MVD: variants seen among roughly 807,000 people sequenced by gnomAD.
The protein encoded by MVD is diphosphomevalonate decarboxylase.
In MVD, 52 loss-of-function variants were observed where a neutral mutation model predicts 42.4. The ratio of observed to expected loss-of-function variants is 1.23; its 90% CI spans 0.98 to 1.55. MVD has a LOEUF of 1.55. Among genes scored for constraint, MVD ranks in the 40% most tolerant of loss-of-function variants. The pLI is 0.00. For missense variants in MVD, 663 were observed against 572.1 expected, an observed-to-expected ratio of 1.16 and a Z score of -1.62; for synonymous variants, 287 against 243.2, an observed-to-expected ratio of 1.18 and a Z score of -1.68.
rs776340958 is a variant in MVD, at chr16:88,663,002, G to A, written c.70+9C>T. 6 of 1,597,000 alleles carry A rather than the reference G, an allele frequency of 3.8e-6. No homozygotes were observed. The Admixed American group carries it at 6.9e-5, about 18-fold the overall frequency. On this transcript the variant is annotated intron_variant, in intron 1 of 9. Coordinates refer to ENST00000301012, the MANE Select transcript of MVD (RefSeq NM_002461.3). ...CCATCCCCGTCCCAGGCCGGCCCGC[G>A]GCACTCACAGTACTTGATGACCGCG...
Position 88,653,415 on chromosome 16 carries a change from A to T in MVD, c.1014-7T>A, listed in dbSNP as rs746057055. ...CTGCAGCCCCTTCAGAAACCTGGAA[A>T]AGCAGGGCAGGGGCACGGTGAATGC... On this transcript the variant is annotated splice_region_variant and splice_polypyrimidine_tract_variant and intron_variant, in intron 8 of 9. Coordinates refer to ENST00000301012, the MANE Select transcript of MVD (RefSeq NM_002461.3). 5 of 1,605,194 alleles carry T rather than the reference A, an allele frequency of 3.1e-6. No homozygotes were observed. The highest frequency in any genetic ancestry group is 4.2e-6 in the Non-Finnish European group (5 of 1,177,172).
chr16:88,661,604 A>G (rs1157591366), intron 1 of MVD, among the ~76,000 whole-genome samples: 2 of 152,086 alleles, frequency 1.3e-5, no homozygotes, highest in East Asian at 3.8e-4. Context: ...ATATGAAGAG[A>G]GATTTCACCA....
intron 9 of MVD, 135 bp from the exon 10 acceptor site, chr16:88,652,740 G>A (rs907173177): frequency 6.2e-5 from 52 of 838,986 alleles, no homozygotes; most frequent in Non-Finnish European, 8.2e-5. Context: ...AAGGTAAAGC[G>A]CCTGAGTGGT....
chr16:88,655,595 G>A (rs1426096478), intron 6 of MVD, 61 bp downstream of exon 6: 7 of 1,537,406 alleles, frequency 4.6e-6, no homozygotes, highest in Non-Finnish European at 6.1e-6. Flanking sequence ...CAGAGGCTGA[G>A]GGCAGAGCCG....
At chr16:88,658,760 G>GCCCCCCCCCCCC in intron 1 of MVD, 40 bp from the exon 2 acceptor site, 1 of 1,440,618 alleles carries the variant, frequency 6.9e-7, no homozygotes, top group Non-Finnish European at 9.3e-7. Context: ...GGGCTTCCCG[G>GCCCCCCCCCCCC]CCCACCCTCC....
chr16:88,657,947 C>T lies in MVD; in HGVS notation c.224G>A (p.Gly75Glu). 1 of 1,613,818 alleles carries T rather than the reference C, an allele frequency of 6.2e-7. No individual in the cohort carries two copies. Among genetic ancestry groups the T allele is most frequent in the Non-Finnish European group, 8.5e-7 (1 of 1,180,032 alleles). ...IWLNGREEDV[G>E]QPRLQACLRE... ...CAGGCAGGCCTGCAGCCGCGGCTGCCCCACATCCTCCTCCCGGCCATTCAG... is the reference window on the plus strand; with the variant it reads ...CAGGCAGGCCTGCAGCCGCGGCTGCTCCACATCCTCCTCCCGGCCATTCAG... The change falls in exon 3 of 10, where the codon GGG becomes GAG. Residue 75 changes from glycine (G) to glutamate (E), a missense_variant. Physicochemically the swap from Gly to Glu is moderately conservative, Grantham distance 98. Coordinates refer to ENST00000301012, the MANE Select transcript of MVD (RefSeq NM_002461.3).
intron 2 of MVD, among the ~76,000 whole-genome samples, chr16:88,658,441 T>C (rs1908080052): frequency 6.6e-6 from 1 of 152,108 alleles, no homozygotes; most frequent in Non-Finnish European, 1.5e-5. Flanking sequence ...AATTTTTTTT[T>C]TGTTTCAGAG....
chr16:88,653,318 T>G lies in MVD; in HGVS notation c.1104A>C (p.Lys368Asn), dbSNP rs148833471. The change falls in exon 9 of 10, where the codon AAA becomes AAC. Residue 368 changes from lysine (K) to asparagine (N), a missense_variant. By Grantham distance (94) the Lys-to-Asn change is moderately conservative. Transcript: ENST00000301012. ...GCCTCACCTGAGTGACAATGATGTATTTGACCCCACCGGGGGTCGGCTCCA... is the reference window on the plus strand; with the variant it reads ...GCCTCACCTGAGTGACAATGATGTAGTTGACCCCACCGGGGGTCGGCTCCA... ...LAMEPTPGGV[K>N]YIIVTQVGPG... 6.3e-7 allele frequency: 1 copy of G among 1,599,028 alleles called. No homozygotes were observed. Among genetic ancestry groups the G allele is most frequent in the African/African-American group, 1.4e-5 (1 of 73,664 alleles).
At chr16:88,662,232 G>A (rs1232139522) in intron 1 of MVD, 1 of 152,532 alleles carries the variant, frequency 6.6e-6, no homozygotes, top group African/African-American at 2.4e-5. Context: ...GCCTTGGCTA[G>A]AGAGAGGGTG....
At chr16:88,660,760 C>G (rs1908240608) in intron 1 of MVD, 1 of 150,926 alleles carries the variant, frequency 6.6e-6, no homozygotes, top group African/African-American at 2.4e-5. Context: ...GTAATCCCAG[C>G]ACTTTGGGAG....
chr16:88,655,111 G>T lies in MVD; in HGVS notation c.897+88C>A, dbSNP rs972060746. On this transcript the variant is annotated intron_variant, in intron 7 of 9. Transcript: ENST00000301012. The stretch of plus-strand genomic sequence containing the variant: ...CTTTCAGACACAGATTGCCCTGCAC[G>T]CGAGCCCCGGGGCCGTCTCCACGGC... The T allele has an allele frequency of 5.6e-6, 8 of 1,430,162 alleles. No individual in the cohort carries two copies. In the African/African-American group the frequency reaches 9.9e-5, roughly 18 times the overall value. 88.6% of individuals were successfully genotyped at this position (1,430,162 alleles called of 1,614,324 possible).
At chr16:88,661,944 A>ATG (rs1908325716) in intron 1 of MVD, among the ~76,000 whole-genome samples, 2 of 150,216 alleles carry the variant, frequency 1.3e-5, no homozygotes, top group South Asian at 4.2e-4. Flanking sequence ...ATACAGGTGT[A>ATG]TATATATATA....
At chr16:88,662,323 T>C (rs910007577) in intron 1 of MVD, among the ~76,000 whole-genome samples, 5 of 152,192 alleles carry the variant, frequency 3.3e-5, no homozygotes, top group Admixed American at 1.3e-4. Flanking sequence ...CATTCTATGC[T>C]GAATGAAATA....
At chr16:88,661,133 T>C (rs1908266000) in intron 1 of MVD, among the ~76,000 whole-genome samples, 1 of 152,010 alleles carries the variant, frequency 6.6e-6, no homozygotes, top group African/African-American at 2.4e-5. Flanking sequence ...AGGATAGCCT[T>C]TCTGGGCTAA....
At chr16:88,655,151 C>T (rs1428508478) in intron 7 of MVD, 48 bp downstream of exon 7, 1 of 1,540,012 alleles carries the variant, frequency 6.5e-7, no homozygotes, top group Non-Finnish European at 8.8e-7. Flanking sequence ...CAAGCCTAGA[C>T]ACGCGCTACA....
intron 1 of MVD, among the ~76,000 whole-genome samples, chr16:88,661,949 T>TAC (rs1908326026): frequency 6.7e-6 from 1 of 149,742 alleles, no homozygotes; most frequent in African/African-American, 2.5e-5. Flanking sequence ...GGTGTATATA[T>TAC]ATATACACAC....
intron 1 of MVD, 62 bp from the exon 2 acceptor site, chr16:88,658,782 C>A: frequency 8.3e-7 from 1 of 1,206,204 alleles, no homozygotes; most frequent in Non-Finnish European, 1.1e-6. Flanking sequence ...CCAGTGTTCC[C>A]CACAGGTGCC....
intron 1 of MVD, chr16:88,659,079 A>C: frequency 9.6e-6 from 3 of 314,136 alleles, no homozygotes; most frequent in Non-Finnish European, 1.3e-5. Context: ...AACTCCTCAC[A>C]TCTCACTGCT....
intron 1 of MVD, 89 bp from the exon 2 acceptor site, chr16:88,658,809 G>C: frequency 1.0e-6 from 1 of 991,554 alleles, no homozygotes; most frequent in Non-Finnish European, 1.4e-6. Flanking sequence ...CCCCACCCAC[G>C]GCCCCCATCC....
Sources: gnomAD v4.1 joint callset for allele counts (sites outside exome capture counted in the v4.1 genomes callset) on GRCh38, gnomAD v4.1.1 for gene constraint, MANE v1.5 for transcripts, NCBI Gene and HGNC (gene_info 2026-07-23, HGNC 2026-07-21) for gene names.